The following COL22A1 variants were observed in gnomAD, a reference collection of about 807,000 sequenced individuals.
COL22A1 encodes collagen alpha-1(XXII) chain.
Under a neutral mutation model 248.9 loss-of-function variants are expected in COL22A1, and 221 were observed. That is an observed-to-expected ratio of 0.89 (90% CI 0.80 to 0.99). COL22A1 has a LOEUF of 0.99. Among genes scored for constraint, COL22A1 ranks in the 50% least tolerant of loss-of-function variants. The pLI, the probability that COL22A1 is intolerant of heterozygous loss-of-function variation, is 0.00. For missense variants in COL22A1, 2,240 were observed against 2,179.0 expected, an observed-to-expected ratio of 1.03 and a Z score of -0.56; for synonymous variants, 891 against 793.4, an observed-to-expected ratio of 1.12 and a Z score of -2.07.
At chr8:138,834,519 C>T (rs1187458685) in intron 4 of COL22A1, among the ~76,000 whole-genome samples, 2 of 152,100 alleles carry the variant, frequency 1.3e-5, no homozygotes, top group South Asian at 2.1e-4. Flanking sequence ...AGCAGGTAGT[C>T]CTGACATAAA....
At chr8:138,725,774 CACACACACACA>C (rs1830259736) in intron 23 of COL22A1, among the ~76,000 whole-genome samples, 2 of 151,792 alleles carry the variant, frequency 1.3e-5, no homozygotes, top group Non-Finnish European at 1.5e-5. Flanking sequence ...CACACACACA[CACACACACACA>C]CACACACACA....
chr8:138,610,642 C>G (rs4341165), intron 56 of COL22A1, among the ~76,000 whole-genome samples: 22 of 152,146 alleles, frequency 1.4e-4, no homozygotes, highest in Middle Eastern at 3.4e-3. Context: ...ACAGCGGCCT[C>G]TGGGGGCCTT....
chr8:138,749,051 C>T lies in COL22A1; in HGVS notation c.2085+2407G>A, dbSNP rs538350204. 3.3e-5 allele frequency among the ~76,000 whole-genome samples: 5 copies of T among 152,278 alleles called. No homozygotes were observed. The South Asian group carries it at 1.0e-3, about 32-fold the overall frequency. On this transcript the variant is annotated intron_variant, in intron 22 of 64. Coordinates refer to ENST00000303045, the MANE Select transcript of COL22A1 (RefSeq NM_152888.3). ...AGGGAAACCCCTTTCACTTGGTTCT[C>T]ATTCTCTCCTTGCCTGCTGCCATGT...
chr8:138,839,707 T>C (rs1820727796), intron 4 of COL22A1, among the ~76,000 whole-genome samples: 1 of 152,238 alleles, frequency 6.6e-6, no homozygotes, highest in Admixed American at 6.5e-5. Flanking sequence ...TTGGTGATTA[T>C]CTGGATGGGG....
chr8:138,826,621 C>T (rs1203301210), intron 6 of COL22A1, 37 bp downstream of exon 6: 3 of 1,610,798 alleles, frequency 1.9e-6, no homozygotes, highest in East Asian at 4.5e-5. Context: ...GAACAGAAAG[C>T]TCAGGACCAC....
chr8:138,848,217 T>A (rs1370538313), intron 3 of COL22A1, among the ~76,000 whole-genome samples: 1 of 152,250 alleles, frequency 6.6e-6, no homozygotes, highest in Non-Finnish European at 1.5e-5. Flanking sequence ...AAACATCTAA[T>A]GACAAAGACA....
intron 40 of COL22A1, among the ~76,000 whole-genome samples, chr8:138,678,498 G>T (rs1400064672): frequency 6.6e-6 from 1 of 152,042 alleles, no homozygotes; most frequent in Non-Finnish European, 1.5e-5. Flanking sequence ...TGATATGAAT[G>T]GTTCTTGGAA....
At chr8:138,804,627 CCTGGG>C (rs1817305103) in intron 10 of COL22A1, among the ~76,000 whole-genome samples, 2 of 152,170 alleles carry the variant, frequency 1.3e-5, no homozygotes, top group Admixed American at 1.3e-4. Context: ...CCAGCTGGCA[CCTGGG>C]CTGAGCCGCT....
intron 1 of COL22A1, among the ~76,000 whole-genome samples, chr8:138,900,295 T>A (rs1254366463): frequency 6.6e-6 from 1 of 151,822 alleles, no homozygotes; most frequent in Non-Finnish European, 1.5e-5. Flanking sequence ...CCATCAGGAG[T>A]GTTTGGTCCT....
intron 6 of COL22A1, among the ~76,000 whole-genome samples, chr8:138,823,179 C>T (rs1240996004): frequency 6.6e-6 from 1 of 152,102 alleles, no homozygotes; most frequent in East Asian, 1.9e-4. Context: ...TGAAGAGGAT[C>T]ATATAAATTG....
At chr8:138,634,926 C>T in intron 49 of COL22A1, 84 bp downstream of exon 49, 2 of 927,804 alleles carry the variant, frequency 2.2e-6, no homozygotes, top group East Asian at 2.4e-5. Context: ...GAGATATGCT[C>T]AGTGTCATAC....
At chr8:138,762,159 G>T (rs996832408) in intron 17 of COL22A1, among the ~76,000 whole-genome samples, 3 of 152,140 alleles carry the variant, frequency 2.0e-5, no homozygotes, top group Non-Finnish European at 4.4e-5. Flanking sequence ...GTGGTCAGAG[G>T]CCTTTACATT....
At chr8:138,761,879 T>C (rs1304030313) in intron 17 of COL22A1, among the ~76,000 whole-genome samples, 1 of 152,208 alleles carries the variant, frequency 6.6e-6, no homozygotes, top group East Asian at 1.9e-4. Flanking sequence ...CGACGGTCTT[T>C]GTAAGTCACC....
intron 20 of COL22A1, 37 bp from the exon 21 acceptor site, chr8:138,755,247 T>G (rs1212902708): frequency 1.2e-6 from 2 of 1,602,718 alleles, no homozygotes; most frequent in East Asian, 4.5e-5. Context: ...TAGTCATGAC[T>G]TTTCCCCCAT....
chr8:138,737,229 T>C (rs1831190211), intron 23 of COL22A1, among the ~76,000 whole-genome samples: 1 of 151,960 alleles, frequency 6.6e-6, no homozygotes, highest in African/African-American at 2.4e-5. Context: ...CGTCCTGGGG[T>C]CCCCCTTCGC....
Position 138,760,224 on chromosome 8 carries a change from C to T in COL22A1, c.1902+19G>A, listed in dbSNP as rs745550050. ...CCTGCCCAGGGCACAGAGCCCTTGACAGCCCCAGGCTCGCTCACCTTTTCT... is the reference window on the plus strand; with the variant it reads ...CCTGCCCAGGGCACAGAGCCCTTGATAGCCCCAGGCTCGCTCACCTTTTCT... On this transcript the variant is annotated intron_variant, in intron 18 of 64. Transcript: ENST00000303045. 5 of 1,556,122 alleles carry T rather than the reference C, an allele frequency of 3.2e-6. No individual in the cohort carries two copies. Among genetic ancestry groups the T allele is most frequent in the Non-Finnish European group, 4.3e-6 (5 of 1,150,132 alleles).
chr8:138,601,466 T>C (rs973314500), intron 60 of COL22A1, among the ~76,000 whole-genome samples: 1 of 152,098 alleles, frequency 6.6e-6, no homozygotes, highest in Non-Finnish European at 1.5e-5. Context: ...TCCATGTCCG[T>C]GTCGTGCAAC....
At chr8:138,751,004 T>TAATTA (rs3074125) in intron 22 of COL22A1, among the ~76,000 whole-genome samples, 149,848 of 152,118 alleles carry the variant, frequency 0.99, 73,828 homozygotes, top group East Asian at 1. Flanking sequence ...AACAGGTGCT[T>TAATTA]AATTAATTAA....
chr8:138,700,988 C>CAAAAAA (rs5895554), intron 31 of COL22A1, among the ~76,000 whole-genome samples: 4 of 54,698 alleles, frequency 7.3e-5, no homozygotes, highest in Non-Finnish European at 1.2e-4. Context: ...GACTCCGTCT[C>CAAAAAA]AAAAAAAAAA....
Sources: allele counts gnomAD v4.1 joint callset (sites outside exome capture counted in the v4.1 genomes callset), GRCh38; gene constraint gnomAD v4.1.1; transcripts MANE v1.5; gene names NCBI Gene and HGNC (gene_info 2026-07-23, HGNC 2026-07-21).